Variants in PALD1 observed in about 807,000 individuals in gnomAD.
The protein encoded by PALD1 is paladin.
Under a neutral mutation model 96.0 loss-of-function variants are expected in PALD1, and 57 were observed. The observed-to-expected ratio is 0.59, with a 90% CI of 0.48 to 0.74. The LOEUF is 0.74. Ranked by LOEUF, PALD1 falls within the 30% of genes least tolerant of loss-of-function variation. The pLI, the probability that PALD1 is intolerant of heterozygous loss-of-function variation, is 0.00. For missense variants in PALD1, 1,063 were observed against 1,143.7 expected (o/e 0.93, Z 1.02); for synonymous variants, 464 against 473.6 (o/e 0.98, Z 0.26).
chr10:70,541,592 C>T (rs1372521015), intron 17 of PALD1, 58 bp downstream of exon 17: 36 of 1,322,604 alleles, frequency 2.7e-5, no homozygotes, highest in African/African-American at 4.3e-5. Context: ...GAGGAGGACT[C>T]CTGCTTGCCG....
intron 17 of PALD1, 65 bp downstream of exon 17, chr10:70,541,599 G>A: frequency 1.6e-6 from 2 of 1,215,770 alleles, no homozygotes; most frequent in South Asian, 2.5e-5. Context: ...ACTCCTGCTT[G>A]CCGGTCTAGG....
chr10:70,545,470 G>A (rs928802239), intron 17 of PALD1, among the ~76,000 whole-genome samples: 1 of 152,076 alleles, frequency 6.6e-6, no homozygotes, highest in African/African-American at 2.4e-5. Flanking sequence ...GAGAGGTGCA[G>A]TGTAGACAGA....
In PALD1 at chr10:70,478,850, C is replaced by T. The variant is rs966463633; in HGVS notation, c.-239C>T. The T allele has an allele frequency of 2.6e-5, 4 of 151,970 alleles. No individual in the cohort carries two copies. In the South Asian group the frequency reaches 8.3e-4, roughly 31 times the overall value. 9.4% of individuals were successfully genotyped at this position (151,970 alleles called of 1,614,324 possible). Reference sequence around the variant, plus strand: ...GTCCCGTCGCCGGTGAGCACGGGCTCCCTCTCGCGTGGCCTCGCCGGGTCC... The same window carrying T: ...GTCCCGTCGCCGGTGAGCACGGGCTTCCTCTCGCGTGGCCTCGCCGGGTCC... On this transcript the variant is annotated 5_prime_UTR_variant, in exon 1 of 20. Coordinates refer to ENST00000263563, the MANE Select transcript of PALD1 (RefSeq NM_014431.3).
At chr10:70,487,703 AAAAAC>A (rs1846036053) in intron 1 of PALD1, among the ~76,000 whole-genome samples, 1 of 152,126 alleles carries the variant, frequency 6.6e-6, no homozygotes, top group Admixed American at 6.5e-5. Flanking sequence ...CTTTAAAAAA[AAAAAC>A]AAAAAAACAA....
Position 70,525,906 on chromosome 10 carries a change from A to T in PALD1, c.-29-17A>T. On this transcript the variant is annotated splice_polypyrimidine_tract_variant and intron_variant, in intron 1 of 19. Transcript: ENST00000263563. ...TTTCCCATCCCCTCCTTCACTGCAC[A>T]CCCTCTTATCCTACAGGTCTGGGGT... 6.2e-7 allele frequency: 1 copy of T among 1,605,124 alleles called. No individual in the cohort carries two copies. The highest frequency in any genetic ancestry group is 8.5e-7 in the Non-Finnish European group (1 of 1,174,034).
chr10:70,560,420 A>G (rs1847714385), intron 18 of PALD1, among the ~76,000 whole-genome samples: 1 of 145,690 alleles, frequency 6.9e-6, no homozygotes, highest in Non-Finnish European at 1.5e-5. Context: ...TTAACTAAGC[A>G]TGTGCTAAAC....
At chr10:70,484,163 C>T (rs1419117720) in intron 1 of PALD1, among the ~76,000 whole-genome samples, 1 of 152,018 alleles carries the variant, frequency 6.6e-6, no homozygotes, top group Admixed American at 6.6e-5. Flanking sequence ...CCACTACGCC[C>T]AGCTAATTTT....
At chr10:70,512,191 C>A (rs1013187835) in intron 1 of PALD1, among the ~76,000 whole-genome samples, 5 of 152,246 alleles carry the variant, frequency 3.3e-5, no homozygotes, top group African/African-American at 1.2e-4. Context: ...CTGTTAGTCA[C>A]ATGGCCCCAG....
chr10:70,492,864 A>G (rs1846123404), intron 1 of PALD1, among the ~76,000 whole-genome samples: 1 of 152,314 alleles, frequency 6.6e-6, no homozygotes, highest in African/African-American at 2.4e-5. Context: ...TGTGAATTAT[A>G]TCTCAATTTT....
intron 18 of PALD1, among the ~76,000 whole-genome samples, chr10:70,550,054 C>T (rs1847450486): frequency 6.6e-6 from 1 of 152,194 alleles, no homozygotes; most frequent in Non-Finnish European, 1.5e-5. Context: ...CCAGGTGGTG[C>T]CAGTGACCTA....
At chr10:70,564,645 C>A (rs891152806) in intron 19 of PALD1, 126 bp downstream of exon 19, 4 of 845,174 alleles carry the variant, frequency 4.7e-6, no homozygotes, top group African/African-American at 1.7e-5. Context: ...AGCCCCCATC[C>A]CCCTTTCTGC....
intron 5 of PALD1, among the ~76,000 whole-genome samples, chr10:70,531,762 C>T (rs1471364064): frequency 1.3e-5 from 2 of 151,906 alleles, no homozygotes; most frequent in Non-Finnish European, 2.9e-5. Context: ...TTTGGGAGGC[C>T]GAGGTGGGCA....
At chr10:70,553,709 C>T (rs551967386) in intron 18 of PALD1, among the ~76,000 whole-genome samples, 31 of 152,336 alleles carry the variant, frequency 2.0e-4, no homozygotes, top group African/African-American at 7.2e-4. Context: ...GACCCGGCCC[C>T]TGACTCCCAG....
intron 1 of PALD1, among the ~76,000 whole-genome samples, chr10:70,514,788 A>G (rs1157375432): frequency 6.6e-6 from 1 of 152,054 alleles, no homozygotes. Context: ...GCAGAGGGCC[A>G]GGGTTAAGGA....
At chr10:70,548,164 G>A (rs1231045047) in intron 18 of PALD1, among the ~76,000 whole-genome samples, 1 of 152,052 alleles carries the variant, frequency 6.6e-6, no homozygotes, top group Non-Finnish European at 1.5e-5. Flanking sequence ...AATTAGCCGG[G>A]CATGGTGGCA....
At chr10:70,469,840 C>CT in the PALD1 span, among the ~76,000 whole-genome samples, 3 of 152,170 alleles carry the variant, frequency 2.0e-5, no homozygotes, top group Non-Finnish European at 4.4e-5. Context: ...GTCGCCCAGG[C>CT]TGGAGTGCAG....
chr10:70,519,685 C>T (rs1376310144), intron 1 of PALD1, among the ~76,000 whole-genome samples: 1 of 151,892 alleles, frequency 6.6e-6, no homozygotes, highest in Non-Finnish European at 1.5e-5. Context: ...AGTGATTCTC[C>T]TGCCTTACCC....
chr10:70,561,039 T>G (rs1162480654), intron 18 of PALD1, among the ~76,000 whole-genome samples: 1 of 152,170 alleles, frequency 6.6e-6, no homozygotes, highest in African/African-American at 2.4e-5. Context: ...CGGAACCTTC[T>G]GGGGGCGGGG....
At chr10:70,468,204 A>T in the PALD1 span, among the ~76,000 whole-genome samples, 1 of 152,100 alleles carries the variant, frequency 6.6e-6, no homozygotes, top group Admixed American at 6.5e-5. Flanking sequence ...CTGTCGGAGT[A>T]GTTGCCTGTC....
Sources: gnomAD v4.1 joint callset for allele counts (sites outside exome capture counted in the v4.1 genomes callset) on GRCh38, gnomAD v4.1.1 for gene constraint, MANE v1.5 for transcripts, NCBI Gene and HGNC (gene_info 2026-07-23, HGNC 2026-07-21) for gene names.